KITLG: variants seen among roughly 807,000 people sequenced by gnomAD.
KITLG encodes KIT ligand.
A neutral mutation model predicts 34.1 loss-of-function variants in KITLG; 13 were observed. The ratio of observed to expected loss-of-function variants is 0.38; its 90% CI spans 0.25 to 0.61. KITLG has a LOEUF of 0.61. Ranked by LOEUF, KITLG falls within the 20% of genes least tolerant of loss-of-function variation. KITLG has a pLI of 0.60. For missense variants in KITLG, 292 were observed against 318.9 expected (o/e 0.92, Z 0.64); for synonymous variants, 110 against 104.0 (o/e 1.06, Z -0.35).
chr12:88,533,534 CTT>C (rs1431078780), intron 2 of KITLG, among the ~76,000 whole-genome samples: 1 of 152,150 alleles, frequency 6.6e-6, no homozygotes, highest in Non-Finnish European at 1.5e-5. Context: ...GCAACCTTCT[CTT>C]ATGTCACCAT....
chr12:88,552,425 G>A (rs1202939437), intron 1 of KITLG, among the ~76,000 whole-genome samples: 2 of 151,374 alleles, frequency 1.3e-5, no homozygotes, highest in Non-Finnish European at 2.9e-5. Flanking sequence ...CCTGAGCTCA[G>A]GTAATCCACC....
chr12:88,554,160 C>T (rs1290315971), intron 1 of KITLG, among the ~76,000 whole-genome samples: 2 of 152,148 alleles, frequency 1.3e-5, no homozygotes, highest in Non-Finnish European at 2.9e-5. Flanking sequence ...ACTGCAGATT[C>T]CTTTCCTTCA....
chr12:88,508,737 G>A (rs565707332), intron 6 of KITLG, among the ~76,000 whole-genome samples: 3 of 152,224 alleles, frequency 2.0e-5, no homozygotes, highest in Admixed American at 2.0e-4. Context: ...CCCCATGGGA[G>A]ATATGTTTTA....
In KITLG at chr12:88,505,267, C is replaced by T. The variant is rs549562382; in HGVS notation, c.783-32G>A. On this transcript the variant is annotated intron_variant, in intron 8 of 9. Transcript: ENST00000644744. ...AACAATAAGAAAAAATGCTTATTTGCTCTTGGTCAGAGATTCTGAGGTACA... is the reference window on the plus strand; with the variant it reads ...AACAATAAGAAAAAATGCTTATTTGTTCTTGGTCAGAGATTCTGAGGTACA... 13 of 1,561,974 alleles carry T rather than the reference C, an allele frequency of 8.3e-6. No homozygotes were observed. In the African/African-American group the frequency reaches 1.4e-4, roughly 16 times the overall value.
At chr12:88,508,276 G>C (rs1869146555) in intron 6 of KITLG, among the ~76,000 whole-genome samples, 1 of 151,776 alleles carries the variant, frequency 6.6e-6, no homozygotes, top group African/African-American at 2.4e-5. Flanking sequence ...AACTTATTTT[G>C]ACAGATTTTT....
In KITLG at chr12:88,516,497, G is replaced by A. The variant is rs1388223622; in HGVS notation, c.364-7C>T. On this transcript the variant is annotated splice_region_variant and splice_polypyrimidine_tract_variant and intron_variant, in intron 4 of 9. Transcript: ENST00000644744. ...TGAATGATTTTTTTAGATCCTAGAA[G>A]AAAAAATAGGATTACATTTTTCAAA... 3 of 1,578,340 alleles carry A rather than the reference G, an allele frequency of 1.9e-6. No individual in the cohort carries two copies. The highest frequency in any genetic ancestry group is 1.7e-5 in the Admixed American group (1 of 57,512).
At chr12:88,516,934 A>G (rs1469670323) in intron 4 of KITLG, among the ~76,000 whole-genome samples, 4 of 151,976 alleles carry the variant, frequency 2.6e-5, no homozygotes, top group Non-Finnish European at 5.9e-5. Context: ...GAACTCTTAC[A>G]TACTGCTGAG....
chr12:88,580,408 G>T lies in KITLG; in HGVS notation c.-130C>A. Reference sequence around the variant, plus strand: ...ACGCATTGGGTAGCCCGAGCGCAGCGCCCTCTCCACTGTCCCTGCTTCCCG... The same window carrying T: ...ACGCATTGGGTAGCCCGAGCGCAGCTCCCTCTCCACTGTCCCTGCTTCCCG... On this transcript the variant is annotated 5_prime_UTR_variant, in exon 1 of 10. Transcript: ENST00000644744. 1 of 1,093,224 alleles carries T rather than the reference G, an allele frequency of 9.1e-7. No individual in the cohort carries two copies. Among genetic ancestry groups the T allele is most frequent in the Non-Finnish European group, 1.4e-6 (1 of 729,602 alleles). The allele number at this position is 1,093,224 out of a possible 1,614,324, so 67.7% of individuals were successfully genotyped here.
chr12:88,524,380 C>T (rs1869789882), intron 3 of KITLG, among the ~76,000 whole-genome samples: 1 of 152,002 alleles, frequency 6.6e-6, no homozygotes, highest in Non-Finnish European at 1.5e-5. Context: ...ATTAAAAAAT[C>T]TAAATATGGA....
chr12:88,506,483 A>G, intron 7 of KITLG, 105 bp from the exon 8 acceptor site: 1 of 831,454 alleles, frequency 1.2e-6, no homozygotes, highest in Non-Finnish European at 2.1e-6. Context: ...TAACTCCAAT[A>G]ACAGTTTTTT....
At position 88,496,578 on chromosome 12, in the gene KITLG, A is replaced by G. The variant is rs1868648663; in HGVS notation, c.*641T>C. Reference sequence around the variant, plus strand: ...GAACCAGGCAACCATTTGCATTTGTATAGTGGGATATGGGTGAGCATGGTT... The same window carrying G: ...GAACCAGGCAACCATTTGCATTTGTGTAGTGGGATATGGGTGAGCATGGTT... On this transcript the variant is annotated 3_prime_UTR_variant, in exon 10 of 10. Coordinates refer to ENST00000644744, the MANE Select transcript of KITLG (RefSeq NM_000899.5). 1 of 152,328 alleles carries G rather than the reference A, an allele frequency of 6.6e-6. No homozygotes were observed. Among genetic ancestry groups the G allele is most frequent in the Non-Finnish European group, 1.5e-5 (1 of 68,036 alleles). 9.4% of individuals were successfully genotyped at this position (152,328 alleles called of 1,614,324 possible). A position where few individuals can be genotyped will look rare whatever the true frequency, so the allele number is the denominator to read the frequency against.
intron 3 of KITLG, among the ~76,000 whole-genome samples, chr12:88,528,266 G>C (rs1275745772): frequency 6.6e-6 from 1 of 152,066 alleles, no homozygotes; most frequent in Non-Finnish European, 1.5e-5. Flanking sequence ...TGACACTCCT[G>C]CCTCCCTTTT....
At chr12:88,519,061 C>A (rs1869563419) in intron 3 of KITLG, among the ~76,000 whole-genome samples, 194 bp from the exon 4 acceptor site, 1 of 152,076 alleles carries the variant, frequency 6.6e-6, no homozygotes, top group South Asian at 2.1e-4. Context: ...GAAGTTTCAC[C>A]ATGTTGGCCA....
At chr12:88,548,463 A>T (rs921289481) in intron 1 of KITLG, among the ~76,000 whole-genome samples, 3 of 152,080 alleles carry the variant, frequency 2.0e-5, no homozygotes, top group Non-Finnish European at 4.4e-5. Flanking sequence ...CCAAAAAAAA[A>T]AAAAGTTAGA....
chr12:88,504,923 G>C (rs1406533508), intron 9 of KITLG, among the ~76,000 whole-genome samples: 5 of 146,744 alleles, frequency 3.4e-5, no homozygotes, highest in Non-Finnish European at 6.0e-5. Flanking sequence ...TGAACAATGA[G>C]AACACTTGGA....
At chr12:88,567,064 A>G (rs1871466381) in intron 1 of KITLG, among the ~76,000 whole-genome samples, 1 of 152,194 alleles carries the variant, frequency 6.6e-6, no homozygotes, top group Non-Finnish European at 1.5e-5. Flanking sequence ...TCTGTTCCTA[A>G]GCAATTCACA....
intron 1 of KITLG, among the ~76,000 whole-genome samples, chr12:88,563,942 A>G (rs1871368570): frequency 6.8e-6 from 1 of 147,918 alleles, no homozygotes; most frequent in South Asian, 2.3e-4. Flanking sequence ...AGCAGGGGCA[A>G]CAAGAGCAAA....
chr12:88,556,968 A>T (rs2120941619), intron 1 of KITLG, among the ~76,000 whole-genome samples: 1 of 152,310 alleles, frequency 6.6e-6, no homozygotes, highest in East Asian at 1.9e-4. Context: ...ATGGAACTAA[A>T]AGTCAATCAC....
intron 1 of KITLG, among the ~76,000 whole-genome samples, chr12:88,556,206 T>G (rs1871091911): frequency 8.5e-6 from 1 of 118,116 alleles, no homozygotes; most frequent in Non-Finnish European, 1.8e-5. Context: ...AAAATAAGTT[T>G]CAAAGAATAA....
Sources: gnomAD v4.1 joint callset for allele counts (sites outside exome capture counted in the v4.1 genomes callset) on GRCh38, gnomAD v4.1.1 for gene constraint, MANE v1.5 for transcripts, NCBI Gene and HGNC (gene_info 2026-07-23, HGNC 2026-07-21) for gene names.